The following ZNF516 variants were observed in gnomAD, a reference collection of about 807,000 sequenced individuals.
ZNF516 encodes the protein zinc finger protein 516.
ZNF516 carries 19 observed loss-of-function variants against 79.7 expected under a neutral mutation model. That is an observed-to-expected ratio of 0.24 (90% CI 0.17 to 0.35). The LOEUF (loss-of-function observed/expected upper bound fraction) is 0.35. Among genes scored for constraint, ZNF516 ranks in the 10% least tolerant of loss-of-function variants. The pLI is 1.00. For missense variants in ZNF516, 1,678 were observed against 1,679.5 expected, an observed-to-expected ratio of 1.00 and a Z score of 0.02; for synonymous variants, 877 against 739.5, an observed-to-expected ratio of 1.19 and a Z score of -3.02.
chr18:76,488,006 G>A (rs1411432607), intron 1 of ZNF516: 6 of 985,124 alleles, frequency 6.1e-6, no homozygotes, highest in Admixed American at 6.2e-5. Context: ...CCAAACAGTC[G>A]AACAACCAAA....
chr18:76,376,620 C>G (rs897133564), intron 4 of ZNF516, among the ~76,000 whole-genome samples: 4 of 151,792 alleles, frequency 2.6e-5, no homozygotes, highest in Admixed American at 2.0e-4. Flanking sequence ...TTTTGGACTT[C>G]AAATTCTATC....
At position 76,441,711 on chromosome 18, in the gene ZNF516, G is replaced by T. The variant is rs753302726; in HGVS notation, c.1344C>A (p.Ala448=). 2.5e-6 allele frequency: 4 copies of T among 1,572,916 alleles called. No individual in the cohort carries two copies. The highest frequency in any genetic ancestry group is 3.4e-6 in the Non-Finnish European group (4 of 1,163,144). The stretch of plus-strand genomic sequence containing the variant: ...CGTACTCGCGCCTGTCCTTGTCGAA[G>T]GCCACGTCCCCGGCCAGCGCCTCGT... ...AWDEALAGDV[A]FDKDRREYVL... is the part of the protein sequence containing the mutation. The change falls in exon 3 of 7, where the codon GCC becomes GCA. Residue 448 remains alanine, a synonymous_variant. Transcript: ENST00000443185.
chr18:76,481,217 T>G (rs1914505881), intron 1 of ZNF516, among the ~76,000 whole-genome samples: 1 of 152,228 alleles, frequency 6.6e-6, no homozygotes, highest in Non-Finnish European at 1.5e-5. Context: ...GAAATTTTTT[T>G]GGCATCAAAT....
At chr18:76,447,166 C>T (rs1912101914) in intron 2 of ZNF516, among the ~76,000 whole-genome samples, 1 of 151,318 alleles carries the variant, frequency 6.6e-6, no homozygotes, top group Admixed American at 6.6e-5. Flanking sequence ...AAGACAAGGG[C>T]ATCCCTTCCA....
At chr18:76,475,803 T>C (rs1914140392) in intron 1 of ZNF516, among the ~76,000 whole-genome samples, 1 of 151,396 alleles carries the variant, frequency 6.6e-6, no homozygotes, top group African/African-American at 2.4e-5. Flanking sequence ...TACGCAAAAT[T>C]AAAAAAAAAT....
intron 3 of ZNF516, among the ~76,000 whole-genome samples, chr18:76,395,669 T>G (rs1165111462): frequency 6.6e-6 from 1 of 151,910 alleles, no homozygotes; most frequent in Non-Finnish European, 1.5e-5. Flanking sequence ...CTGGAGTCAG[T>G]GACCACGGAC....
At chr18:76,378,042 G>A (rs75943545) in intron 4 of ZNF516, 6,865 of 152,262 alleles carry the variant, frequency 0.045, 234 homozygotes, top group Middle Eastern at 0.095. Context: ...ATCGAAGAAC[G>A]GTTAGGACTT....
chr18:76,369,976 T>C (rs1004398083), intron 6 of ZNF516, among the ~76,000 whole-genome samples: 2 of 152,120 alleles, frequency 1.3e-5, no homozygotes, highest in African/African-American at 4.8e-5. Flanking sequence ...ACACACTCAG[T>C]GTGTACTGAG....
At chr18:76,437,381 C>T (rs1043964148) in intron 3 of ZNF516, among the ~76,000 whole-genome samples, 7 of 152,012 alleles carry the variant, frequency 4.6e-5, no homozygotes, top group Admixed American at 1.3e-4. Flanking sequence ...GGACGGGAAA[C>T]GTGAGACACT....
chr18:76,456,970 ACCTGTTTTAT>A (rs2145644053), intron 2 of ZNF516, among the ~76,000 whole-genome samples: 2 of 152,332 alleles, frequency 1.3e-5, no homozygotes, highest in African/African-American at 4.8e-5. Context: ...CACAGGTACC[ACCTGTTTTAT>A]CTGCAACAGT....
chr18:76,450,147 G>A (rs11874070), intron 2 of ZNF516, among the ~76,000 whole-genome samples: 2 of 123,480 alleles, frequency 1.6e-5, no homozygotes, highest in Non-Finnish European at 3.2e-5. Flanking sequence ...CGGAGAGAAG[G>A]CAAATGTACC....
intron 2 of ZNF516, among the ~76,000 whole-genome samples, chr18:76,450,208 CTCTT>C (rs1444352671): frequency 1.4e-5 from 2 of 144,386 alleles, no homozygotes; most frequent in Non-Finnish European, 3.0e-5. Flanking sequence ...TTATTTCTAA[CTCTT>C]TCCATTTTTC....
In ZNF516 at chr18:76,361,985, G is replaced by A. The variant is rs755102343; in HGVS notation, c.*513C>T. On this transcript the variant is annotated 3_prime_UTR_variant, in exon 7 of 7. Transcript: ENST00000443185. ...TATTTTAAATACCCACTAAGACAAGGAGAGGCAGTAGTATTAATACTCGAT... is the reference window on the plus strand; with the variant it reads ...TATTTTAAATACCCACTAAGACAAGAAGAGGCAGTAGTATTAATACTCGAT... The A allele has an allele frequency of 6.6e-6, 1 of 152,556 alleles. No individual in the cohort carries two copies. Among genetic ancestry groups the A allele is most frequent in the Non-Finnish European group, 1.5e-5 (1 of 68,294 alleles). The allele number at this position is 152,556 out of a possible 1,614,324, so 9.5% of individuals were successfully genotyped here.
chr18:76,442,646 C>T lies in ZNF516; in HGVS notation c.409G>A (p.Ala137Thr), dbSNP rs988424606. The T allele has an allele frequency of 6.3e-7, 1 of 1,587,908 alleles. No homozygotes were observed. The highest frequency in any genetic ancestry group is 8.5e-7 in the Non-Finnish European group (1 of 1,173,190). ...TGCGAGGCCCCGTTCAGGACCCTGGCGCCGTCGGCCTGCGAGGCCCCGTTC... is the reference window on the plus strand; with the variant it reads ...TGCGAGGCCCCGTTCAGGACCCTGGTGCCGTCGGCCTGCGAGGCCCCGTTC... ...LLNGASQADG[A>T]RVLNGASQAD... Residue 137 changes from alanine (A) to threonine (T), a missense_variant, in exon 3 of 7, where the codon GCC becomes ACC. Physicochemically the swap from Ala to Thr is moderately conservative, Grantham distance 58 (BLOSUM62 0). Around this residue, in one of 5 missense-constraint regions of ZNF516, gnomAD observed 279 missense variants for 254.1 expected, o/e 1.10. Transcript: ENST00000443185.
chr18:76,464,507 C>T (rs1913328024), intron 1 of ZNF516, among the ~76,000 whole-genome samples: 1 of 152,242 alleles, frequency 6.6e-6, no homozygotes, highest in Admixed American at 6.5e-5. Flanking sequence ...AGCCCCCAGA[C>T]CTATGTGGAA....
chr18:76,427,034 G>A (rs2145426648), intron 3 of ZNF516, among the ~76,000 whole-genome samples: 1 of 152,272 alleles, frequency 6.6e-6, no homozygotes, highest in East Asian at 1.9e-4. Flanking sequence ...CCCTGAGTAG[G>A]GACTGCAAAG....
chr18:76,453,215 G>C (rs1057327799), intron 2 of ZNF516, among the ~76,000 whole-genome samples: 1 of 152,192 alleles, frequency 6.6e-6, no homozygotes, highest in South Asian at 2.1e-4. Flanking sequence ...AAGAGCTGGC[G>C]TTAGGGATTT....
At chr18:76,412,233 C>T (rs982634937) in intron 3 of ZNF516, among the ~76,000 whole-genome samples, 3 of 152,226 alleles carry the variant, frequency 2.0e-5, no homozygotes, top group Non-Finnish European at 4.4e-5. Context: ...CGAAGGTCGC[C>T]GTGCTGACTG....
At chr18:76,366,308 T>C (rs773883184) in intron 6 of ZNF516, among the ~76,000 whole-genome samples, 3 of 152,188 alleles carry the variant, frequency 2.0e-5, no homozygotes, top group Non-Finnish European at 4.4e-5. Context: ...TATTCAAATA[T>C]TAATATGACA....
Sources: allele counts gnomAD v4.1 joint callset (sites outside exome capture counted in the v4.1 genomes callset), GRCh38; gene constraint gnomAD v4.1.1; regional missense constraint gnomAD v4.1.1; transcripts MANE v1.5; gene names NCBI Gene and HGNC (gene_info 2026-07-23, HGNC 2026-07-21).